Variants in SMAD4 observed in about 807,000 individuals in gnomAD.
SMAD4 encodes the protein SMAD family member 4, also known as MAD homolog 4.
Under a neutral mutation model 63.2 loss-of-function variants are expected in SMAD4, and 7 were observed. That is an observed-to-expected ratio of 0.11 (90% confidence interval 0.06 to 0.21). The LOEUF is 0.21. Among genes scored for constraint, SMAD4 ranks in the 10% least tolerant of loss-of-function variants. The pLI is 1.00. For synonymous variants in SMAD4, 215 were observed against 235.4 expected, an observed-to-expected ratio of 0.91 and a Z score of 0.79; for missense variants, 312 against 693.8, an observed-to-expected ratio of 0.45 and a Z score of 6.18.
intron 1 of SMAD4, among the ~76,000 whole-genome samples, chr18:51,042,362 C>G (rs1219829997): frequency 2.6e-5 from 3 of 113,872 alleles, no homozygotes; most frequent in Non-Finnish European, 5.0e-5. Flanking sequence ...TGTTTTCTTT[C>G]TTTTTCCTTC....
intron 5 of SMAD4, among the ~76,000 whole-genome samples, chr18:51,056,315 A>G (rs938019019): frequency 1.3e-5 from 2 of 152,222 alleles, no homozygotes; most frequent in African/African-American, 4.8e-5. Flanking sequence ...AAGTGACTTC[A>G]TTTTGACTGT....
intron 10 of SMAD4, among the ~76,000 whole-genome samples, chr18:51,074,642 C>T (rs1266335578): frequency 2.0e-5 from 3 of 152,074 alleles, no homozygotes; most frequent in African/African-American, 7.2e-5. Flanking sequence ...GTGCTGTGAA[C>T]CTAAAACTGC....
intron 1 of SMAD4, among the ~76,000 whole-genome samples, chr18:51,046,624 T>G (rs1909551625): frequency 6.6e-6 from 1 of 152,100 alleles, no homozygotes; most frequent in Non-Finnish European, 1.5e-5. Flanking sequence ...GGGTGACTAG[T>G]AAAGTCAGTA....
intron 1 of SMAD4, among the ~76,000 whole-genome samples, chr18:51,032,117 A>G (rs969357835): frequency 4.6e-5 from 7 of 152,356 alleles, no homozygotes; most frequent in African/African-American, 1.7e-4. Context: ...TTAGGTCTAA[A>G]GACGATGGTG....
At chr18:51,040,315 T>C (rs1909336779) in intron 1 of SMAD4, among the ~76,000 whole-genome samples, 1 of 151,180 alleles carries the variant, frequency 6.6e-6, no homozygotes, top group East Asian at 1.9e-4. Context: ...TCCCAGCTAC[T>C]GGGGAGGCTG....
At chr18:51,048,991 AT>A in intron 3 of SMAD4, 131 bp downstream of exon 3, 2 of 781,776 alleles carry the variant, frequency 2.6e-6, no homozygotes, top group Non-Finnish European at 4.2e-6. Flanking sequence ...AGAATCAGAC[AT>A]TTTTAATATA....
chr18:51,036,886 G>A (rs753490567), intron 1 of SMAD4, among the ~76,000 whole-genome samples: 1 of 152,168 alleles, frequency 6.6e-6, no homozygotes, highest in Non-Finnish European at 1.5e-5. Flanking sequence ...GGCCGGGTGC[G>A]GTGACTCACG....
intron 10 of SMAD4, among the ~76,000 whole-genome samples, chr18:51,074,792 G>A (rs1034734020): frequency 6.6e-6 from 1 of 152,282 alleles, no homozygotes; most frequent in Non-Finnish European, 1.5e-5. Flanking sequence ...GTTCTGAAAC[G>A]AATGGACTGT....
intron 10 of SMAD4, among the ~76,000 whole-genome samples, chr18:51,074,731 C>A (rs1055247380): frequency 4.6e-5 from 7 of 152,130 alleles, no homozygotes; most frequent in African/African-American, 1.7e-4. Flanking sequence ...ATGTTTGAGT[C>A]CCTGCTTTGT....
rs1052625480 is a variant in SMAD4, at chr18:51,084,190, C to A, written c.*5723C>A. 1 of 230,612 alleles carries A rather than the reference C, an allele frequency of 4.3e-6. No homozygotes were observed. Among genetic ancestry groups the A allele is most frequent in the Non-Finnish European group, 8.6e-6 (1 of 116,506 alleles). The allele number at this position is 230,612 out of a possible 1,614,324, so 14.3% of individuals were successfully genotyped here. ...TTTGAGTTGGTGTGTGTGACACCAC[C>A]CTCCTAAGTGGTGTGTGCTTGTAAT... On this transcript the variant is annotated 3_prime_UTR_variant, in exon 12 of 12. Coordinates refer to ENST00000342988, the MANE Select transcript of SMAD4 (RefSeq NM_005359.6).
In SMAD4 at chr18:51,082,697, A is replaced by G; in HGVS notation, c.*4230A>G. ...CAGACAGGACTGTGTTGCCTTTACT[A>G]AATGGTCTGAGACAGCTATGGTTTT... On this transcript the variant is annotated 3_prime_UTR_variant, in exon 12 of 12. Coordinates refer to ENST00000342988, the MANE Select transcript of SMAD4 (RefSeq NM_005359.6). The G allele has an allele frequency of 4.3e-6, 1 of 231,332 alleles. No homozygotes were observed. The highest frequency in any genetic ancestry group is 8.5e-6 in the Non-Finnish European group (1 of 117,164). 14.3% of individuals were successfully genotyped at this position (231,332 alleles called of 1,614,324 possible).
chr18:51,063,829 T>C (rs1201996215), intron 8 of SMAD4, among the ~76,000 whole-genome samples: 1 of 152,238 alleles, frequency 6.6e-6, no homozygotes, highest in Non-Finnish European at 1.5e-5. Flanking sequence ...TAAACAAATA[T>C]TTATCTTTGT....
intron 10 of SMAD4, among the ~76,000 whole-genome samples, chr18:51,071,518 C>CT (rs1260461487): frequency 1.3e-5 from 2 of 152,130 alleles, no homozygotes; most frequent in Non-Finnish European, 2.9e-5. Context: ...TTTGAATTCT[C>CT]TTTAAGTGGC....
intron 4 of SMAD4, among the ~76,000 whole-genome samples, chr18:51,051,971 AT>A (rs1009092767): frequency 6.7e-6 from 1 of 149,972 alleles, no homozygotes; most frequent in African/African-American, 2.5e-5. Context: ...CATGCCCAGC[AT>A]TTTTTTTTGT....
chr18:51,048,343 G>A (rs1909606619), intron 2 of SMAD4, among the ~76,000 whole-genome samples: 1 of 152,038 alleles, frequency 6.6e-6, no homozygotes, highest in South Asian at 2.1e-4. Flanking sequence ...TATTTGTGGA[G>A]ACAAGGGTCT....
At chr18:51,055,022 A>AAGTT (rs754559217) in intron 5 of SMAD4, 29 bp downstream of exon 5, 1 of 1,545,168 alleles carries the variant, frequency 6.5e-7, no homozygotes, top group Admixed American at 1.7e-5. Context: ...TGTAGTCAGC[A>AAGTT]AGTTGAGTTT....
rs1417299090 is a variant in SMAD4 at position 51,073,388 on chromosome 18, T to TATATATACAC, written c.1309-3249_1309-3248insTATATACACA. Among the ~76,000 whole-genome samples the TATATATACAC allele has an allele frequency of 2.3e-3, 149 of 64,140 alleles. 2 individuals carry two copies. The highest frequency in any genetic ancestry group is 5.1e-3 in the African/African-American group (67 of 13,084). 42.1% of individuals were successfully genotyped at this position (64,140 alleles called of 152,430 possible). A position where few individuals can be genotyped will look rare whatever the true frequency, so the allele number is the denominator to read the frequency against. On this transcript the variant is annotated intron_variant, in intron 10 of 11. Coordinates refer to ENST00000342988, the MANE Select transcript of SMAD4 (RefSeq NM_005359.6). ...ATATATATATATATATATATATATA[T>TATATATACAC]ACACACACACACACACACACACACA...
chr18:51,045,853 A>G (rs1291781294), intron 1 of SMAD4, among the ~76,000 whole-genome samples: 1 of 152,008 alleles, frequency 6.6e-6, no homozygotes, highest in East Asian at 1.9e-4. Context: ...GGATTTGCCT[A>G]TTCTGTATAT....
intron 4 of SMAD4, chr18:51,053,056 G>A (rs1909750895): frequency 6.6e-6 from 1 of 152,194 alleles, no homozygotes; most frequent in Non-Finnish European, 1.5e-5. Flanking sequence ...GGGAAGTTTA[G>A]CCAGCATATT....
Sources: gnomAD v4.1 joint callset for allele counts (sites outside exome capture counted in the v4.1 genomes callset) on GRCh38, gnomAD v4.1.1 for gene constraint, MANE v1.5 for transcripts, NCBI Gene and HGNC (gene_info 2026-07-23, HGNC 2026-07-21) for gene names.